The following RASAL2 variants were observed in gnomAD, a reference collection of about 807,000 sequenced individuals.
RASAL2 encodes the protein ras GTPase-activating protein nGAP.
A neutral mutation model predicts 128.9 loss-of-function variants in RASAL2; 58 were observed. The ratio of observed to expected loss-of-function variants is 0.45; its 90% CI spans 0.36 to 0.56. RASAL2 has a LOEUF of 0.56. RASAL2 is among the 20% of genes least tolerant of loss of function. The probability of loss-of-function intolerance (pLI) is 0.00; values close to 1 mark genes in which losing one functional copy is unlikely to be tolerated. For missense variants in RASAL2, 1,360 were observed against 1,601.6 expected (o/e 0.85, Z 2.57); for synonymous variants, 561 against 580.8 (o/e 0.97, Z 0.49).
intron 1 of RASAL2, chr1:178,121,179 C>G (rs542704248): frequency 6.6e-6 from 1 of 152,208 alleles, no homozygotes; most frequent in Non-Finnish European, 1.5e-5. Context: ...TACAAGATCA[C>G]TTTCAGAGGT....
chr1:178,410,971 A>G (rs1259387946), intron 4 of RASAL2, among the ~76,000 whole-genome samples: 1 of 152,234 alleles, frequency 6.6e-6, no homozygotes, highest in Non-Finnish European at 1.5e-5. Context: ...GAGATTCCTT[A>G]AAGAACTAAA....
intron 3 of RASAL2, among the ~76,000 whole-genome samples, chr1:178,351,261 G>T (rs1670462329): frequency 6.6e-6 from 1 of 152,070 alleles, no homozygotes; most frequent in African/African-American, 2.4e-5. Context: ...TCCACCCTTG[G>T]CCCCTTCCAA....
chr1:178,230,975 G>A (rs180731705), intron 1 of RASAL2, among the ~76,000 whole-genome samples: 42 of 152,142 alleles, frequency 2.8e-4, no homozygotes, highest in African/African-American at 9.6e-4. Context: ...TCTCTTTACC[G>A]GTGGAATGTC....
chr1:178,422,539 T>C (rs1211349607), intron 5 of RASAL2, among the ~76,000 whole-genome samples: 1 of 152,110 alleles, frequency 6.6e-6, no homozygotes, highest in Admixed American at 6.6e-5. Flanking sequence ...CAATATAGTT[T>C]GAATGTGTTA....
chr1:178,199,787 T>C (rs939335692), intron 1 of RASAL2, among the ~76,000 whole-genome samples: 5 of 152,126 alleles, frequency 3.3e-5, no homozygotes, highest in Non-Finnish European at 7.3e-5. Flanking sequence ...CCCAGGTCTA[T>C]CCGTGAGGGT....
intron 1 of RASAL2, chr1:178,123,078 G>A (rs1659774536): frequency 6.6e-6 from 1 of 152,050 alleles, no homozygotes; most frequent in Non-Finnish European, 1.5e-5. Flanking sequence ...AAAATCACCT[G>A]GAATGCTTGT....
At chr1:178,324,212 T>C (rs191129301) in intron 3 of RASAL2, among the ~76,000 whole-genome samples, 1 of 152,270 alleles carries the variant, frequency 6.6e-6, no homozygotes, top group African/African-American at 2.4e-5. Context: ...AGTGAGATAA[T>C]AGACTAGGTG....
At chr1:178,110,548 CAG>C (rs1491109997) in intron 1 of RASAL2, among the ~76,000 whole-genome samples, 3 of 142,816 alleles carry the variant, frequency 2.1e-5, no homozygotes, top group African/African-American at 7.9e-5. Flanking sequence ...ACTATATATA[CAG>C]TGTATATATA....
intron 2 of RASAL2, among the ~76,000 whole-genome samples, chr1:178,298,262 A>G (rs961606938): frequency 2.0e-5 from 3 of 152,138 alleles, no homozygotes; most frequent in Non-Finnish European, 4.4e-5. Flanking sequence ...GTGAAGTTTT[A>G]TATTACAGAG....
intron 3 of RASAL2, among the ~76,000 whole-genome samples, chr1:178,387,928 T>C (rs1020005179): frequency 6.6e-6 from 1 of 152,200 alleles, no homozygotes; most frequent in Non-Finnish European, 1.5e-5. Context: ...AAAACTAAAA[T>C]TGGATGTATG....
rs547510412 is a variant in RASAL2 at position 178,397,709 on chromosome 1, A to G, written c.564+7503A>G. On this transcript the variant is annotated intron_variant, in intron 4 of 17. Transcript: ENST00000367649. ...ACTGCAGCCTCAACAACCCAGGCTC[A>G]AACGAACCTCCCACCTCAGCTGTGA... 2.0e-5 allele frequency among the ~76,000 whole-genome samples: 3 copies of G among 152,024 alleles called. No individual in the cohort carries two copies. The East Asian group carries it at 5.8e-4, about 29-fold the overall frequency.
At chr1:178,360,740 G>C (rs138372784) in intron 3 of RASAL2, among the ~76,000 whole-genome samples, 1 of 152,140 alleles carries the variant, frequency 6.6e-6, no homozygotes, top group African/African-American at 2.4e-5. Context: ...AGGTGTCAAC[G>C]GGGTTGTTTC....
chr1:178,339,004 T>TGATG (rs932459108), intron 3 of RASAL2, among the ~76,000 whole-genome samples: 1 of 152,210 alleles, frequency 6.6e-6, no homozygotes, highest in Non-Finnish European at 1.5e-5. Context: ...GCTTCATAAA[T>TGATG]GATGGATGGA....
At chr1:178,320,511 G>C (rs1174951713) in intron 3 of RASAL2, among the ~76,000 whole-genome samples, 1 of 152,204 alleles carries the variant, frequency 6.6e-6, no homozygotes, top group African/African-American at 2.4e-5. Context: ...CGTTTTTTAA[G>C]CCGGTCTGAA....
chr1:178,411,170 A>G (rs1393203725), intron 4 of RASAL2, among the ~76,000 whole-genome samples: 2 of 3,512 alleles, frequency 5.7e-4, no homozygotes, highest in Non-Finnish European at 2.7e-3. Flanking sequence ...GTGTGTACAC[A>G]CACACACACA....
intron 2 of RASAL2, among the ~76,000 whole-genome samples, chr1:178,299,506 T>C (rs1371526949): frequency 1.3e-5 from 2 of 152,126 alleles, no homozygotes; most frequent in Non-Finnish European, 2.9e-5. Flanking sequence ...TTTTCTTTTT[T>C]CTTTTTTTTT....
intron 1 of RASAL2, among the ~76,000 whole-genome samples, chr1:178,254,966 ATCT>A (rs1665252037): frequency 6.6e-6 from 1 of 152,080 alleles, no homozygotes; most frequent in Non-Finnish European, 1.5e-5. Context: ...TGAGATTAAC[ATCT>A]TCTCTGTGGG....
intron 5 of RASAL2, among the ~76,000 whole-genome samples, chr1:178,430,756 G>A (rs1414382380): frequency 6.6e-6 from 1 of 152,014 alleles, no homozygotes; most frequent in Non-Finnish European, 1.5e-5. Context: ...CATGTCACAT[G>A]GCTAATAAGT....
chr1:178,422,873 C>T (rs1675250272), intron 5 of RASAL2, among the ~76,000 whole-genome samples: 1 of 151,804 alleles, frequency 6.6e-6, no homozygotes, highest in Non-Finnish European at 1.5e-5. Flanking sequence ...ACTCATTTGT[C>T]TTTGTTTTGG....
Sources: allele counts gnomAD v4.1 joint callset (sites outside exome capture counted in the v4.1 genomes callset), GRCh38; gene constraint gnomAD v4.1.1; transcripts MANE v1.5; gene names NCBI Gene and HGNC (gene_info 2026-07-23, HGNC 2026-07-21).